Variants in EPHA5 observed in about 807,000 individuals in gnomAD.
The protein encoded by EPHA5 is ephrin type-A receptor 5.
A neutral mutation model predicts 105.0 loss-of-function variants in EPHA5; 60 were observed. The observed-to-expected ratio is 0.57, with a 90% CI of 0.46 to 0.71. The LOEUF (loss-of-function observed/expected upper bound fraction) is 0.71, where lower values mean the gene tolerates loss of function less well. EPHA5 is among the 30% of genes least tolerant of loss of function. The pLI is 0.00. For synonymous variants in EPHA5, 513 were observed against 449.1 expected, an observed-to-expected ratio of 1.14 and a Z score of -1.80; for missense variants, 1,218 against 1,274.7, an observed-to-expected ratio of 0.96 and a Z score of 0.68.
Position 65,577,691 on chromosome 4 carries a change from A to C in EPHA5, c.910+23950T>G, listed in dbSNP as rs1231505872. Among the ~76,000 whole-genome samples, 3 of 152,172 alleles carry C rather than the reference A, an allele frequency of 2.0e-5. No individual in the cohort carries two copies. In the East Asian group the frequency reaches 5.8e-4, roughly 29 times the overall value. ...CTAGGTAACTTACTACTAACATTCA[A>C]TTTTAGACAGAAATATTAATGCATG... is the stretch of plus-strand genomic sequence containing the variant. On this transcript the variant is annotated intron_variant, in intron 3 of 16. Coordinates refer to ENST00000613740, the MANE Select transcript of EPHA5 (RefSeq NM_001281766.3).
intron 3 of EPHA5, among the ~76,000 whole-genome samples, chr4:65,549,449 A>G (rs1737684382): frequency 6.6e-6 from 1 of 152,196 alleles, no homozygotes; most frequent in Admixed American, 6.6e-5. Context: ...CAACGTTTAT[A>G]CAACAATGAT....
intron 3 of EPHA5, among the ~76,000 whole-genome samples, chr4:65,510,777 T>C (rs536577852): frequency 9.2e-5 from 14 of 151,482 alleles, no homozygotes; most frequent in African/African-American, 3.4e-4. Context: ...AAAATAACTG[T>C]TGAGGCACTG....
intron 2 of EPHA5, among the ~76,000 whole-genome samples, chr4:65,605,494 A>G (rs951338549): frequency 6.6e-6 from 1 of 152,252 alleles, no homozygotes; most frequent in Middle Eastern, 3.4e-3. Flanking sequence ...ATACTGACTC[A>G]TGACACATGG....
chr4:65,531,553 A>T (rs938913268), intron 3 of EPHA5, among the ~76,000 whole-genome samples: 1 of 146,116 alleles, frequency 6.8e-6, no homozygotes, highest in Non-Finnish European at 1.5e-5. Context: ...GAATCTGATC[A>T]TAAAGAGGAT....
chr4:65,573,976 T>A, intron 3 of EPHA5: 1 of 1,589,174 alleles, frequency 6.3e-7, no homozygotes, highest in Admixed American at 1.7e-5. Flanking sequence ...GCTAGTGGCT[T>A]ATTACTTGTG....
chr4:65,576,100 AAAG>A (rs780253771), intron 3 of EPHA5, among the ~76,000 whole-genome samples: 3,809 of 91,140 alleles, frequency 0.042, 150 homozygotes, highest in Non-Finnish European at 0.049. Context: ...AAAGAAAAGA[AAAG>A]AAAAGAAAAG....
intron 3 of EPHA5, among the ~76,000 whole-genome samples, chr4:65,571,349 A>G (rs1203428732): frequency 6.6e-6 from 1 of 151,730 alleles, no homozygotes; most frequent in Non-Finnish European, 1.5e-5. Context: ...TCAAAAATTT[A>G]CATTCCCTAA....
intron 14 of EPHA5, 123 bp downstream of exon 14, chr4:65,347,931 G>A: frequency 9.7e-7 from 1 of 1,029,374 alleles, no homozygotes; most frequent in Non-Finnish European, 1.4e-6. Context: ...ACAGATCAGA[G>A]GGTAAGCAAA....
At chr4:65,351,251 C>T in intron 13 of EPHA5, 138 bp downstream of exon 13, 1 of 698,086 alleles carries the variant, frequency 1.4e-6, no homozygotes. Flanking sequence ...TTTTGATTTT[C>T]TCTCTCCCTC....
intron 8 of EPHA5, among the ~76,000 whole-genome samples, chr4:65,378,293 G>T (rs1025167547): frequency 2.6e-5 from 4 of 151,764 alleles, no homozygotes; most frequent in Non-Finnish European, 5.9e-5. Context: ...ATATTTTAAA[G>T]AATATGCCAA....
At chr4:65,486,634 T>C (rs1050315843) in intron 5 of EPHA5, among the ~76,000 whole-genome samples, 2 of 152,228 alleles carry the variant, frequency 1.3e-5, no homozygotes, top group Non-Finnish European at 2.9e-5. Flanking sequence ...CAACCACATA[T>C]GGTGAAGATA....
intron 5 of EPHA5, among the ~76,000 whole-genome samples, chr4:65,472,214 T>A (rs1156276111): frequency 6.6e-6 from 1 of 152,088 alleles, no homozygotes; most frequent in Non-Finnish European, 1.5e-5. Context: ...CAAAATCATC[T>A]CCTTGAGTCC....
intron 9 of EPHA5, among the ~76,000 whole-genome samples, 199 bp downstream of exon 9, chr4:65,367,158 C>T (rs1452725097): frequency 6.6e-6 from 1 of 150,876 alleles, no homozygotes. Flanking sequence ...TTGAATAAAG[C>T]ATTCAGCTAT....
chr4:65,473,086 G>C (rs1029556342), intron 5 of EPHA5, among the ~76,000 whole-genome samples: 16 of 152,102 alleles, frequency 1.1e-4, no homozygotes, highest in Non-Finnish European at 1.8e-4. Flanking sequence ...CTAAAGCATA[G>C]CAAGAATGAC....
At position 65,320,646 on chromosome 4, in the gene EPHA5, TA is replaced by T; in HGVS notation, c.*3467del. ...CTTTACATGGCATAAATAATGGTGT[TA>T]AAAATATTTTACTTTCACATACAGA... On this transcript the variant is annotated 3_prime_UTR_variant, in exon 17 of 17. Coordinates refer to ENST00000613740, the MANE Select transcript of EPHA5 (RefSeq NM_001281766.3). The T allele has an allele frequency of 4.3e-6, 1 of 229,996 alleles. No individual in the cohort carries two copies. 14.2% of individuals were successfully genotyped at this position (229,996 alleles called of 1,614,324 possible). A position where few individuals can be genotyped will look rare whatever the true frequency, so the allele number is the denominator to read the frequency against.
intron 3 of EPHA5, among the ~76,000 whole-genome samples, chr4:65,519,340 A>T (rs1200239587): frequency 2.0e-5 from 3 of 152,170 alleles, no homozygotes; most frequent in African/African-American, 7.2e-5. Flanking sequence ...CTTCATGCCA[A>T]AAACTCTCAA....
chr4:65,333,251 GACACAA>G (rs1211386981), intron 15 of EPHA5, among the ~76,000 whole-genome samples: 2 of 151,500 alleles, frequency 1.3e-5, no homozygotes, highest in African/African-American at 4.8e-5. Flanking sequence ...TAAGAAAAAG[GACACAA>G]ATACCTTTCT....
At chr4:65,661,959 C>G (rs1415894016) in intron 1 of EPHA5, among the ~76,000 whole-genome samples, 1 of 152,102 alleles carries the variant, frequency 6.6e-6, no homozygotes, top group Non-Finnish European at 1.5e-5. Context: ...CAGGCAGAGT[C>G]CCACAATTTA....
chr4:65,521,167 C>T (rs1016455012), intron 3 of EPHA5, among the ~76,000 whole-genome samples: 23 of 152,246 alleles, frequency 1.5e-4, no homozygotes, highest in Middle Eastern at 3.4e-3. Flanking sequence ...AAATATGGCA[C>T]ATATACACCA....
Sources: allele counts gnomAD v4.1 joint callset (sites outside exome capture counted in the v4.1 genomes callset), GRCh38; gene constraint gnomAD v4.1.1; transcripts MANE v1.5; gene names NCBI Gene and HGNC (gene_info 2026-07-23, HGNC 2026-07-21).